OSBPL8: variants seen among roughly 807,000 people sequenced by gnomAD.
OSBPL8 encodes the protein oxysterol binding protein like 8.
OSBPL8 carries 59 observed loss-of-function variants against 125.5 expected under a neutral mutation model. That is an observed-to-expected ratio of 0.47 (90% CI 0.38 to 0.58). The LOEUF (loss-of-function observed/expected upper bound fraction) is 0.58. Ranked by LOEUF, OSBPL8 falls within the 20% of genes least tolerant of loss-of-function variation. The pLI, the probability that OSBPL8 is intolerant of heterozygous loss-of-function variation, is 0.00. For synonymous variants in OSBPL8, 330 were observed against 338.9 expected (o/e 0.97, Z 0.29); for missense variants, 758 against 1,047.8 (o/e 0.72, Z 3.82).
intron 4 of OSBPL8, among the ~76,000 whole-genome samples, chr12:76,448,123 A>C (rs576035069): frequency 4.6e-5 from 7 of 152,208 alleles, no homozygotes; most frequent in Non-Finnish European, 7.4e-5. Context: ...AGACACATTA[A>C]GTATTTTGGG....
intron 12 of OSBPL8, 151 bp from the exon 13 acceptor site, chr12:76,386,811 A>G: frequency 1.7e-6 from 1 of 572,174 alleles, no homozygotes. Context: ...TCAATTTTCA[A>G]CCATGTAAAT....
chr12:76,491,548 TCTGA>T (rs1324999139), intron 1 of OSBPL8, among the ~76,000 whole-genome samples: 2 of 152,214 alleles, frequency 1.3e-5, no homozygotes, highest in Admixed American at 1.3e-4. Context: ...AAGAGACTAC[TCTGA>T]CTTTCAATTT....
chr12:76,428,226 A>G (rs1870389249), intron 4 of OSBPL8, among the ~76,000 whole-genome samples: 1 of 152,090 alleles, frequency 6.6e-6, no homozygotes, highest in Non-Finnish European at 1.5e-5. Flanking sequence ...ACAGAGGCAA[A>G]TACCATAAAA....
intron 21 of OSBPL8, among the ~76,000 whole-genome samples, 174 bp from the exon 22 acceptor site, chr12:76,358,985 C>T (rs1370765449): frequency 1.3e-5 from 2 of 152,150 alleles, no homozygotes; most frequent in East Asian, 3.8e-4. Context: ...ATCAAATGAT[C>T]TTATTTTAAT....
chr12:76,435,959 T>C lies in OSBPL8; in HGVS notation c.217+14892A>G, dbSNP rs150219266. The stretch of plus-strand genomic sequence containing the variant: ...CCAGGCACTATTTCTTCTCTATAAC[T>C]AAGCTCTCAAAACATAAAGAAAATC... On this transcript the variant is annotated intron_variant, in intron 4 of 23. Transcript: ENST00000261183. Among the ~76,000 whole-genome samples the C allele has an allele frequency of 3.2e-3, 490 of 152,258 alleles. 6 individuals carry two copies. The highest frequency in any genetic ancestry group is 0.011 in the African/African-American group (446 of 41,554).
At chr12:76,385,822 C>A (rs897023626) in intron 14 of OSBPL8, among the ~76,000 whole-genome samples, 2 of 151,384 alleles carry the variant, frequency 1.3e-5, no homozygotes, top group Non-Finnish European at 2.9e-5. Flanking sequence ...ACTTTGAATG[C>A]CAGACAAATG....
chr12:76,403,515 T>C (rs566227041), intron 5 of OSBPL8, among the ~76,000 whole-genome samples: 21 of 152,132 alleles, frequency 1.4e-4, no homozygotes, highest in Non-Finnish European at 2.1e-4. Context: ...AGAACCCAGG[T>C]TTCCTAATGC....
intron 21 of OSBPL8, among the ~76,000 whole-genome samples, chr12:76,360,436 T>A (rs963290935): frequency 3.1e-4 from 47 of 152,330 alleles, no homozygotes; most frequent in African/African-American, 1.1e-3. Context: ...GCTGCTTTCA[T>A]GGGCTGGCGC....
At chr12:76,558,722 G>C (rs1327060123) in intron 1 of OSBPL8, among the ~76,000 whole-genome samples, 1 of 152,200 alleles carries the variant, frequency 6.6e-6, no homozygotes. Flanking sequence ...TGGAAAATCT[G>C]CATATACTGT....
Position 76,507,006 on chromosome 12 carries a change from G to T in OSBPL8, c.-67-19388C>A, listed in dbSNP as rs61925526. Among the ~76,000 whole-genome samples, 8 of 151,718 alleles carry T rather than the reference G, an allele frequency of 5.3e-5. No homozygotes were observed. In the South Asian group the frequency reaches 1.7e-3, roughly 31 times the overall value. On this transcript the variant is annotated intron_variant, in intron 1 of 23. Transcript: ENST00000261183. ...CTTCTGTTAATTTTTTAAAAGTTAA[G>T]TAACTTTTTTGTAAAAGAGTATGGC...
intron 2 of OSBPL8, among the ~76,000 whole-genome samples, chr12:76,472,005 G>A (rs1459540729): frequency 1.3e-5 from 2 of 152,220 alleles, no homozygotes; most frequent in African/African-American, 2.4e-5. Flanking sequence ...CCTCTGCATC[G>A]TATATGGTCA....
intron 5 of OSBPL8, among the ~76,000 whole-genome samples, chr12:76,407,400 G>A (rs932077654): frequency 4.6e-5 from 7 of 152,142 alleles, no homozygotes; most frequent in African/African-American, 7.2e-5. Flanking sequence ...ACAGGCATGT[G>A]CCACCACACC....
At chr12:76,492,975 C>G (rs1878892654) in intron 1 of OSBPL8, among the ~76,000 whole-genome samples, 1 of 151,800 alleles carries the variant, frequency 6.6e-6, no homozygotes, top group Non-Finnish European at 1.5e-5. Flanking sequence ...TACACACGTG[C>G]ACATTCTGGG....
At chr12:76,517,055 C>G (rs1834982418) in intron 1 of OSBPL8, among the ~76,000 whole-genome samples, 1 of 152,138 alleles carries the variant, frequency 6.6e-6, no homozygotes. Context: ...CTCAAGTGAT[C>G]TGCCTGCCTC....
At chr12:76,409,495 A>G (rs763367751) in intron 5 of OSBPL8, among the ~76,000 whole-genome samples, 15 of 152,202 alleles carry the variant, frequency 9.9e-5, no homozygotes, top group Non-Finnish European at 1.5e-4. Flanking sequence ...TGTGTCACAC[A>G]GAACTTATGT....
At chr12:76,413,855 T>G (rs1276623792) in intron 4 of OSBPL8, among the ~76,000 whole-genome samples, 2 of 152,164 alleles carry the variant, frequency 1.3e-5, no homozygotes, top group African/African-American at 4.8e-5. Flanking sequence ...TTGCCAAATG[T>G]ATTTGTTGTC....
rs555371224 is a variant in OSBPL8 at position 76,459,992 on chromosome 12, A to G, written c.43-97T>C. ...GGAAACAGCAGTGAAACAAAAGGACAAGGAAAATAGCATTAGTTTATAAGT... is the reference window on the plus strand; with the variant it reads ...GGAAACAGCAGTGAAACAAAAGGACGAGGAAAATAGCATTAGTTTATAAGT... On this transcript the variant is annotated intron_variant, in intron 2 of 23. Coordinates refer to ENST00000261183, the MANE Select transcript of OSBPL8 (RefSeq NM_020841.5). The G allele has an allele frequency of 4.4e-6, 5 of 1,144,462 alleles. No homozygotes were observed. The South Asian group carries it at 6.2e-5, about 14-fold the overall frequency. 70.9% of individuals were successfully genotyped at this position (1,144,462 alleles called of 1,614,324 possible).
intron 4 of OSBPL8, among the ~76,000 whole-genome samples, chr12:76,433,616 C>T (rs577388412): frequency 1.3e-3 from 204 of 152,156 alleles, no homozygotes; most frequent in Admixed American, 2.2e-3. Flanking sequence ...AAATGTCCAT[C>T]CTATCCAAAA....
intron 1 of OSBPL8, among the ~76,000 whole-genome samples, chr12:76,512,635 T>C (rs890750126): frequency 2.6e-5 from 4 of 152,218 alleles, no homozygotes; most frequent in African/African-American, 9.6e-5. Flanking sequence ...TCCAGCTTTG[T>C]TCTTTTTGCT....
Sources: allele counts gnomAD v4.1 joint callset (sites outside exome capture counted in the v4.1 genomes callset), GRCh38; gene constraint gnomAD v4.1.1; transcripts MANE v1.5; gene names NCBI Gene and HGNC (gene_info 2026-07-23, HGNC 2026-07-21).